ASPRV1: variants seen among roughly 807,000 people sequenced by gnomAD.
The protein encoded by ASPRV1 is retroviral-like aspartic protease 1.
In ASPRV1, 7 loss-of-function variants were observed where a neutral mutation model predicts 11.0. That is an observed-to-expected ratio of 0.64 (90% CI 0.36 to 1.20). The LOEUF is 1.20. ASPRV1 is among the 50% of genes most tolerant of loss of function. ASPRV1 has a pLI of 0.02. For missense variants in ASPRV1, 299 were observed against 320.0 expected, an observed-to-expected ratio of 0.93 and a Z score of 0.50; for synonymous variants, 136 against 138.4, an observed-to-expected ratio of 0.98 and a Z score of 0.12.
chr2:70,034,317 C>T, the ASPRV1 span, among the ~76,000 whole-genome samples: 2 of 151,610 alleles, frequency 1.3e-5, no homozygotes, highest in African/African-American at 2.4e-5. Flanking sequence ...GCCTATAATC[C>T]CAGCACTTTG....
chr2:70,071,225 T>C, the ASPRV1 span, among the ~76,000 whole-genome samples: 3 of 152,170 alleles, frequency 2.0e-5, no homozygotes, highest in Non-Finnish European at 2.9e-5. Flanking sequence ...ATACTCACCT[T>C]GTAACTAAAT....
chr2:70,027,108 A>T, the ASPRV1 span, among the ~76,000 whole-genome samples: 1 of 152,044 alleles, frequency 6.6e-6, no homozygotes, highest in Non-Finnish European at 1.5e-5. Flanking sequence ...ACATTAAAAA[A>T]TTAGCTGGGC....
chr2:70,062,673 T>A, the ASPRV1 span, among the ~76,000 whole-genome samples: 2 of 152,174 alleles, frequency 1.3e-5, no homozygotes, highest in African/African-American at 4.8e-5. Flanking sequence ...CACACCTATA[T>A]CCCGGCAACT....
the ASPRV1 span, among the ~76,000 whole-genome samples, chr2:69,949,211 ATGCCTGTGTG>A: frequency 6.6e-6 from 1 of 152,168 alleles, no homozygotes; most frequent in African/African-American, 2.4e-5. Context: ...GCCCAGGACC[ATGCCTGTGTG>A]TGCTCAGCGA....
At chr2:69,943,807 G>A in the ASPRV1 span, among the ~76,000 whole-genome samples, 82 of 152,296 alleles carry the variant, frequency 5.4e-4, no homozygotes, top group Non-Finnish European at 1.0e-3. Context: ...TTCGCCAAGT[G>A]CAGTCTGTCT....
chr2:70,085,445 T>A, the ASPRV1 span: 1 of 152,212 alleles, frequency 6.6e-6, no homozygotes, highest in East Asian at 1.9e-4. Context: ...AACAAAAGAT[T>A]ACCTGAAGGG....
the ASPRV1 span, among the ~76,000 whole-genome samples, chr2:69,952,563 A>C: frequency 6.6e-6 from 1 of 151,600 alleles, no homozygotes; most frequent in Non-Finnish European, 1.5e-5. Context: ...GGAAGAAAAG[A>C]AAAGAAAAAA....
upstream of ASPRV1, chr2:69,963,376 T>G: frequency 2.2e-6 from 1 of 456,726 alleles, no homozygotes; most frequent in Non-Finnish European, 4.4e-6. Context: ...AGGAAGCCCT[T>G]TCTGCAGATG....
the ASPRV1 span, among the ~76,000 whole-genome samples, chr2:70,052,093 T>C: frequency 3.3e-5 from 5 of 151,998 alleles, no homozygotes; most frequent in Non-Finnish European, 7.4e-5. Flanking sequence ...TATATTCTAA[T>C]GGAGGGAAGT....
At chr2:69,978,752 C>T in the ASPRV1 span, among the ~76,000 whole-genome samples, 52 of 152,268 alleles carry the variant, frequency 3.4e-4, no homozygotes, top group East Asian at 9.7e-3. Flanking sequence ...GGTAGCAGCC[C>T]GTGGACAGGA....
chr2:70,026,229 G>A, the ASPRV1 span, among the ~76,000 whole-genome samples: 1,435 of 152,230 alleles, frequency 9.4e-3, 29 homozygotes, highest in African/African-American at 0.033. Flanking sequence ...TGAGGCAGGA[G>A]AATCACTTGG....
chr2:70,062,922 C>G, the ASPRV1 span, among the ~76,000 whole-genome samples: 3 of 152,296 alleles, frequency 2.0e-5, no homozygotes, highest in South Asian at 6.2e-4. Context: ...AGTTAGCAGT[C>G]TCAGGGAAAT....
the ASPRV1 span, among the ~76,000 whole-genome samples, chr2:70,036,598 CA>C: frequency 6.6e-6 from 1 of 151,348 alleles, no homozygotes; most frequent in Non-Finnish European, 1.5e-5. Flanking sequence ...AAACAAAAAA[CA>C]AAAAAAAGTA....
the ASPRV1 span, among the ~76,000 whole-genome samples, chr2:70,034,712 A>G: frequency 1.3e-5 from 2 of 152,304 alleles, no homozygotes; most frequent in Admixed American, 1.3e-4. Context: ...CATCTGTATG[A>G]GACCAACAAT....
At chr2:70,079,905 C>T in the ASPRV1 span, among the ~76,000 whole-genome samples, 17 of 149,620 alleles carry the variant, frequency 1.1e-4, no homozygotes, top group East Asian at 3.3e-3. Context: ...TGCTCTTAAT[C>T]GGGACACAAC....
At chr2:69,952,764 C>T in the ASPRV1 span, among the ~76,000 whole-genome samples, 59 of 151,110 alleles carry the variant, frequency 3.9e-4, no homozygotes, top group African/African-American at 1.3e-3. Context: ...TGCCAATAGT[C>T]CCCCCCATCC....
At chr2:70,062,886 A>C in the ASPRV1 span, among the ~76,000 whole-genome samples, 4 of 152,326 alleles carry the variant, frequency 2.6e-5, no homozygotes, top group African/African-American at 7.2e-5. Context: ...ATGGGACTTA[A>C]GAGAACAGAA....
chr2:69,964,937 AATCAAGACAAGCCCAAGACTGGGCCC>A (rs1199950414), upstream of ASPRV1, among the ~76,000 whole-genome samples: 36 of 152,300 alleles, frequency 2.4e-4, no homozygotes, highest in African/African-American at 8.4e-4. Context: ...CAGTTGGGCA[AATCAAGACAAGCCCAAGACTGGGCCC>A]ATCAAGACAA....
chr2:70,061,223 C>T, the ASPRV1 span, among the ~76,000 whole-genome samples: 1 of 151,766 alleles, frequency 6.6e-6, no homozygotes, highest in East Asian at 1.9e-4. Context: ...TGGAGAAACC[C>T]CGTCTCCATG....
Sources: gnomAD v4.1 joint callset for allele counts (sites outside exome capture counted in the v4.1 genomes callset) on GRCh38, gnomAD v4.1.1 for gene constraint, MANE v1.5 for transcripts, NCBI Gene and HGNC (gene_info 2026-07-23, HGNC 2026-07-21) for gene names.